Variants in NTM observed in about 807,000 individuals in gnomAD.
NTM encodes the protein neurotrimin.
A neutral mutation model predicts 42.1 loss-of-function variants in NTM; 13 were observed. The ratio of observed to expected loss-of-function variants is 0.31; its 90% CI spans 0.20 to 0.49. NTM has a LOEUF of 0.49. NTM is among the 20% of genes least tolerant of loss of function. NTM has a pLI of 0.99. For missense variants in NTM, 373 were observed against 452.8 expected, an observed-to-expected ratio of 0.82 and a Z score of 1.60; for synonymous variants, 187 against 179.2, an observed-to-expected ratio of 1.04 and a Z score of -0.35.
At chr11:131,593,788 G>A (rs929504924) in intron 1 of NTM, among the ~76,000 whole-genome samples, 4 of 152,212 alleles carry the variant, frequency 2.6e-5, no homozygotes, top group Non-Finnish European at 4.4e-5. Context: ...GTTTGTCTGT[G>A]TCTCTGGACA....
chr11:131,986,435 C>T (rs917225661), intron 2 of NTM, among the ~76,000 whole-genome samples: 1 of 152,182 alleles, frequency 6.6e-6, no homozygotes, highest in Non-Finnish European at 1.5e-5. Flanking sequence ...GTTTTTGTTC[C>T]ATTCCTTTTC....
chr11:131,752,599 T>C (rs910652901), intron 1 of NTM, among the ~76,000 whole-genome samples: 56 of 152,178 alleles, frequency 3.7e-4, no homozygotes, highest in Admixed American at 5.2e-4. Flanking sequence ...TGTATGTTTA[T>C]TGCAGCACTA....
intron 2 of NTM, among the ~76,000 whole-genome samples, chr11:132,136,852 A>G (rs76487339): frequency 0.013 from 1,985 of 152,236 alleles, 15 homozygotes; most frequent in Non-Finnish European, 0.021. Flanking sequence ...TTGACAAAGA[A>G]TTGGAGGTGG....
chr11:131,884,981 A>G (rs2137358586), intron 1 of NTM, among the ~76,000 whole-genome samples: 1 of 152,330 alleles, frequency 6.6e-6, no homozygotes. Context: ...GCAGAGCAAG[A>G]GCCCAGCATT....
intron 1 of NTM, among the ~76,000 whole-genome samples, chr11:131,809,815 G>C (rs2092664302): frequency 6.6e-6 from 1 of 152,176 alleles, no homozygotes; most frequent in African/African-American, 2.4e-5. Flanking sequence ...CAGCCCTTCT[G>C]TGTCCCAAAG....
intron 1 of NTM, among the ~76,000 whole-genome samples, chr11:131,725,955 C>G (rs2078917502): frequency 6.6e-6 from 1 of 152,112 alleles, no homozygotes; most frequent in South Asian, 2.1e-4. Flanking sequence ...ACTAACCAGT[C>G]TCTGGGGATG....
intron 1 of NTM, among the ~76,000 whole-genome samples, chr11:131,829,869 C>T (rs1421543706): frequency 6.6e-6 from 1 of 152,086 alleles, no homozygotes; most frequent in Non-Finnish European, 1.5e-5. Context: ...TAATAATAGC[C>T]ACTCTGACCA....
chr11:132,126,032 A>G (rs868417833), intron 2 of NTM, among the ~76,000 whole-genome samples: 1 of 152,060 alleles, frequency 6.6e-6, no homozygotes, highest in Non-Finnish European at 1.5e-5. Context: ...CTCGCTTTCC[A>G]TAAGCAGCTT....
At chr11:132,087,066 C>A (rs1209049468) in intron 2 of NTM, among the ~76,000 whole-genome samples, 1 of 152,114 alleles carries the variant, frequency 6.6e-6, no homozygotes, top group African/African-American at 2.4e-5. Flanking sequence ...AGCCCTGCAT[C>A]CCTGGTTCCT....
chr11:131,807,782 C>A (rs1261799351), intron 1 of NTM, among the ~76,000 whole-genome samples: 5 of 152,114 alleles, frequency 3.3e-5, no homozygotes, highest in Non-Finnish European at 7.4e-5. Context: ...TGTATTGTAT[C>A]TTCTTTGTAT....
At chr11:132,000,981 A>G (rs911285777) in intron 2 of NTM, among the ~76,000 whole-genome samples, 11 of 152,224 alleles carry the variant, frequency 7.2e-5, no homozygotes, top group Admixed American at 6.5e-4. Context: ...TCCCAGAAAC[A>G]TAGAACAGCG....
chr11:131,388,421 T>TG (rs912237853), intron 1 of NTM, among the ~76,000 whole-genome samples: 5 of 149,140 alleles, frequency 3.4e-5, no homozygotes, highest in Non-Finnish European at 7.4e-5. Flanking sequence ...ATTTGGGTTT[T>TG]GGGTTTTTTT....
chr11:131,543,342 C>CA, intron 1 of NTM, among the ~76,000 whole-genome samples: 1 of 152,170 alleles, frequency 6.6e-6, no homozygotes, highest in Non-Finnish European at 1.5e-5. Flanking sequence ...TCCAGAGAAA[C>CA]AAGAGAACAG....
intron 1 of NTM, among the ~76,000 whole-genome samples, chr11:131,761,085 C>G (rs4937652): frequency 0.3 from 45,160 of 151,782 alleles, 8,353 homozygotes; most frequent in East Asian, 0.6. Flanking sequence ...GCAGGGGAAG[C>G]GGGGAGGACA....
chr11:131,439,859 T>C (rs893837212), intron 1 of NTM, among the ~76,000 whole-genome samples: 2 of 151,790 alleles, frequency 1.3e-5, no homozygotes, highest in African/African-American at 4.8e-5. Context: ...AGTACCTCAG[T>C]TGGAAATGCA....
At chr11:132,087,450 T>A (rs954392217) in intron 2 of NTM, among the ~76,000 whole-genome samples, 4 of 152,212 alleles carry the variant, frequency 2.6e-5, no homozygotes, top group Non-Finnish European at 4.4e-5. Context: ...TATCCAGTTT[T>A]CTTTCCTAGG....
intron 1 of NTM, among the ~76,000 whole-genome samples, chr11:131,571,029 C>T (rs535128779): frequency 6.6e-6 from 1 of 152,318 alleles, no homozygotes; most frequent in East Asian, 1.9e-4. Context: ...AATGGCTTTC[C>T]AGCCAGTTGT....
chr11:131,473,944 T>C (rs1240654386), intron 1 of NTM, among the ~76,000 whole-genome samples: 1 of 152,204 alleles, frequency 6.6e-6, no homozygotes. Context: ...CCCTTAAAAT[T>C]AAGAATAAAA....
intron 4 of NTM, among the ~76,000 whole-genome samples, chr11:132,293,933 T>C (rs184640357): frequency 7.6e-4 from 116 of 152,282 alleles, no homozygotes; most frequent in Non-Finnish European, 1.5e-3. Flanking sequence ...TGGTCTTTTA[T>C]AGAAAACGTT....
Sources: allele counts gnomAD v4.1 joint callset (sites outside exome capture counted in the v4.1 genomes callset), GRCh38; gene constraint gnomAD v4.1.1; transcripts MANE v1.5; gene names NCBI Gene and HGNC (gene_info 2026-07-23, HGNC 2026-07-21).